Variants in UNC5D observed in about 807,000 individuals in gnomAD.
The protein encoded by UNC5D is unc-5 netrin receptor D.
Under a neutral mutation model 105.4 loss-of-function variants are expected in UNC5D, and 39 were observed. The observed-to-expected ratio is 0.37, with a 90% CI of 0.29 to 0.48. The LOEUF (loss-of-function observed/expected upper bound fraction) is 0.48. UNC5D is among the 20% of genes least tolerant of loss of function. UNC5D has a pLI of 0.98. For missense variants in UNC5D, 991 were observed against 1,202.4 expected, an observed-to-expected ratio of 0.82 and a Z score of 2.60; for synonymous variants, 452 against 450.4, an observed-to-expected ratio of 1.00 and a Z score of -0.04.
At chr8:35,523,158 C>T (rs1468814814) in intron 1 of UNC5D, among the ~76,000 whole-genome samples, 1 of 150,684 alleles carries the variant, frequency 6.6e-6, no homozygotes, top group Non-Finnish European at 1.5e-5. Flanking sequence ...TCATGGCTCA[C>T]TGCAGCCTCA....
chr8:35,279,171 C>T (rs906899420), intron 1 of UNC5D, among the ~76,000 whole-genome samples: 3 of 152,196 alleles, frequency 2.0e-5, no homozygotes, highest in African/African-American at 7.2e-5. Flanking sequence ...TCTAATGATG[C>T]TGTGTACACT....
At chr8:35,410,853 T>G (rs997888162) in intron 1 of UNC5D, among the ~76,000 whole-genome samples, 4 of 152,100 alleles carry the variant, frequency 2.6e-5, no homozygotes, top group African/African-American at 9.7e-5. Flanking sequence ...TCTTTTCACA[T>G]TTTTTCTCAG....
intron 1 of UNC5D, among the ~76,000 whole-genome samples, chr8:35,361,297 GA>G (rs924034616): frequency 5.3e-5 from 8 of 151,872 alleles, no homozygotes; most frequent in Non-Finnish European, 1.2e-4. Context: ...CTCATTTGTA[GA>G]AAAAAAGGAT....
At chr8:35,444,573 C>T (rs1425595155) in intron 1 of UNC5D, among the ~76,000 whole-genome samples, 3 of 152,086 alleles carry the variant, frequency 2.0e-5, no homozygotes, top group Middle Eastern at 3.4e-3. Flanking sequence ...CAAATTCATT[C>T]ATCTTCTGAA....
chr8:35,267,223 G>T (rs940922684), intron 1 of UNC5D, among the ~76,000 whole-genome samples: 3 of 151,902 alleles, frequency 2.0e-5, no homozygotes, highest in Non-Finnish European at 2.9e-5. Context: ...TTTTTCCAGG[G>T]TAAGTTTAAT....
At chr8:35,589,269 T>A (rs1451203841) in intron 3 of UNC5D, among the ~76,000 whole-genome samples, 2 of 152,172 alleles carry the variant, frequency 1.3e-5, no homozygotes, top group African/African-American at 4.8e-5. Context: ...TTTTTAATGG[T>A]TGCATAATGT....
At chr8:35,267,352 A>T (rs1256663936) in intron 1 of UNC5D, among the ~76,000 whole-genome samples, 1 of 152,290 alleles carries the variant, frequency 6.6e-6, no homozygotes, top group African/African-American at 2.4e-5. Context: ...TGATATAGCT[A>T]ATTTCATAAA....
chr8:35,497,483 C>G (rs905304373), intron 1 of UNC5D, among the ~76,000 whole-genome samples: 2 of 152,130 alleles, frequency 1.3e-5, no homozygotes, highest in Non-Finnish European at 2.9e-5. Context: ...AATTTGAAAC[C>G]TGATGGTTTC....
chr8:35,448,985 G>T (rs1807974438), intron 1 of UNC5D, among the ~76,000 whole-genome samples: 1 of 152,028 alleles, frequency 6.6e-6, no homozygotes, highest in South Asian at 2.1e-4. Flanking sequence ...GTGTGTGAGG[G>T]CAAGAACCAA....
chr8:35,572,996 G>A (rs957823941), intron 3 of UNC5D, among the ~76,000 whole-genome samples: 2 of 151,862 alleles, frequency 1.3e-5, no homozygotes, highest in Non-Finnish European at 2.9e-5. Flanking sequence ...GTAGAGACGG[G>A]GTTTCACCGT....
At chr8:35,624,167 A>G (rs973639524) in intron 4 of UNC5D, among the ~76,000 whole-genome samples, 1 of 152,230 alleles carries the variant, frequency 6.6e-6, no homozygotes, top group African/African-American at 2.4e-5. Flanking sequence ...GTTGTGAATG[A>G]ATGATGTATG....
intron 4 of UNC5D, among the ~76,000 whole-genome samples, chr8:35,629,705 T>G (rs931200948): frequency 6.6e-6 from 1 of 152,158 alleles, no homozygotes. Context: ...TTAAAAAACA[T>G]AGATGAATTC....
At chr8:35,278,515 G>T (rs1805927396) in intron 1 of UNC5D, among the ~76,000 whole-genome samples, 1 of 152,010 alleles carries the variant, frequency 6.6e-6, no homozygotes, top group Admixed American at 6.6e-5. Flanking sequence ...AAATAATTGT[G>T]TTTGCAGCTG....
At chr8:35,752,986 A>T (rs1830354733) in intron 13 of UNC5D, among the ~76,000 whole-genome samples, 1 of 152,178 alleles carries the variant, frequency 6.6e-6, no homozygotes, top group African/African-American at 2.4e-5. Context: ...TTTGAATAAT[A>T]GTCTCCCAGC....
At chr8:35,525,590 T>C (rs1415305749) in intron 1 of UNC5D, 3 of 1,613,176 alleles carry the variant, frequency 1.9e-6, no homozygotes, top group African/African-American at 1.3e-5. Flanking sequence ...ACTGTAAGTT[T>C]ATGAGCAAGA....
At chr8:35,576,303 A>G (rs954015948) in intron 3 of UNC5D, among the ~76,000 whole-genome samples, 2 of 152,206 alleles carry the variant, frequency 1.3e-5, no homozygotes, top group East Asian at 1.9e-4. Context: ...GTTGTTACAT[A>G]AAAAGCAAAT....
At chr8:35,409,354 G>T (rs1441570087) in intron 1 of UNC5D, among the ~76,000 whole-genome samples, 1 of 152,054 alleles carries the variant, frequency 6.6e-6, no homozygotes, top group Non-Finnish European at 1.5e-5. Context: ...ATTTCCATCA[G>T]CAGTGGATGA....
At chr8:35,682,658 T>G (rs1825744939) in intron 4 of UNC5D, among the ~76,000 whole-genome samples, 1 of 152,158 alleles carries the variant, frequency 6.6e-6, no homozygotes, top group African/African-American at 2.4e-5. Context: ...ATAGAGGTGC[T>G]CAGGGTGGTA....
At chr8:35,452,095 T>G (rs1248948836) in intron 1 of UNC5D, among the ~76,000 whole-genome samples, 1 of 152,142 alleles carries the variant, frequency 6.6e-6, no homozygotes, top group Non-Finnish European at 1.5e-5. Context: ...CAGAATGCAG[T>G]GCTCAGTTCC....
Sources: gnomAD v4.1 joint callset for allele counts (sites outside exome capture counted in the v4.1 genomes callset) on GRCh38, gnomAD v4.1.1 for gene constraint, MANE v1.5 for transcripts, NCBI Gene and HGNC (gene_info 2026-07-23, HGNC 2026-07-21) for gene names.